Variants in NYAP2 observed in about 807,000 individuals in gnomAD.
NYAP2 encodes neuronal tyrosine-phosphorylated phosphoinositide-3-kinase adaptor 2.
A neutral mutation model predicts 50.4 loss-of-function variants in NYAP2; 23 were observed. The ratio of observed to expected loss-of-function variants is 0.46; its 90% CI spans 0.33 to 0.65. The LOEUF is 0.65. Ranked by LOEUF, NYAP2 falls within the 30% of genes least tolerant of loss-of-function variation. The pLI, the probability that NYAP2 is intolerant of heterozygous loss-of-function variation, is 0.02. For synonymous variants in NYAP2, 394 were observed against 365.2 expected, an observed-to-expected ratio of 1.08 and a Z score of -0.90; for missense variants, 885 against 861.0, an observed-to-expected ratio of 1.03 and a Z score of -0.35.
intron 3 of NYAP2, among the ~76,000 whole-genome samples, chr2:225,511,383 G>A (rs1574651320): frequency 6.6e-6 from 1 of 150,958 alleles, no homozygotes; most frequent in East Asian, 1.9e-4. Flanking sequence ...CAGAGAGAGA[G>A]AGAGAGAGAG....
intron 5 of NYAP2, among the ~76,000 whole-genome samples, chr2:225,617,009 C>T (rs1693001695): frequency 6.6e-6 from 1 of 152,314 alleles, no homozygotes; most frequent in Non-Finnish European, 1.5e-5. Flanking sequence ...GAAGCAACAA[C>T]TTGGAAGCAT....
chr2:225,409,515 C>T (rs1476175943), intron 3 of NYAP2, among the ~76,000 whole-genome samples: 1 of 151,984 alleles, frequency 6.6e-6, no homozygotes, highest in Non-Finnish European at 1.5e-5. Flanking sequence ...TAGATTATGG[C>T]CAAGATACAT....
At chr2:225,677,820 AT>A in the NYAP2 span, among the ~76,000 whole-genome samples, 1 of 152,022 alleles carries the variant, frequency 6.6e-6, no homozygotes. Flanking sequence ...GATTGTTAGT[AT>A]TTTGTAGCGG....
At chr2:225,456,284 C>T (rs756861101) in intron 3 of NYAP2, among the ~76,000 whole-genome samples, 6 of 152,126 alleles carry the variant, frequency 3.9e-5, no homozygotes, top group African/African-American at 4.8e-5. Flanking sequence ...TTTGACACTG[C>T]GAGCTCCTCA....
At chr2:225,652,435 T>C (rs1693749418) in exon 7 of NYAP2, 1 of 152,210 alleles carries the variant, frequency 6.6e-6, no homozygotes, top group African/African-American at 2.4e-5. Flanking sequence ...CTTTACAGCA[T>C]AATATGTTGC....
intron 4 of NYAP2, among the ~76,000 whole-genome samples, chr2:225,543,059 C>G (rs1691505968): frequency 6.6e-6 from 1 of 151,920 alleles, no homozygotes; most frequent in Admixed American, 6.6e-5. Context: ...TATTGTTGCT[C>G]ATAGTAACCA....
the NYAP2 span, among the ~76,000 whole-genome samples, chr2:225,660,441 ATTTTT>A: frequency 5.2e-5 from 7 of 134,000 alleles, no homozygotes; most frequent in South Asian, 2.5e-4. Flanking sequence ...CACAGGATAC[ATTTTT>A]TTTTTTTTTT....
At chr2:225,495,787 A>G (rs1390902014) in intron 3 of NYAP2, among the ~76,000 whole-genome samples, 1 of 152,212 alleles carries the variant, frequency 6.6e-6, no homozygotes, top group Non-Finnish European at 1.5e-5. Flanking sequence ...CATTGCAAGG[A>G]TTTGAACAAA....
chr2:225,561,355 T>C (rs1574678885), intron 4 of NYAP2, among the ~76,000 whole-genome samples: 1 of 151,848 alleles, frequency 6.6e-6, no homozygotes. Flanking sequence ...TGCTTGGCAG[T>C]TAGGAATAGG....
chr2:225,555,699 T>G (rs1691764073), intron 4 of NYAP2, among the ~76,000 whole-genome samples: 1 of 152,134 alleles, frequency 6.6e-6, no homozygotes, highest in Admixed American at 6.5e-5. Context: ...CTAAGCCCGA[T>G]TAGCTCTCCT....
chr2:225,627,449 C>T (rs1009214911), intron 6 of NYAP2, among the ~76,000 whole-genome samples: 7 of 151,950 alleles, frequency 4.6e-5, no homozygotes, highest in African/African-American at 1.2e-4. Flanking sequence ...TTTTAACTTG[C>T]GAAGTTTGAG....
chr2:225,701,236 G>A, the NYAP2 span: 1 of 151,814 alleles, frequency 6.6e-6, no homozygotes, highest in Non-Finnish European at 1.5e-5. Flanking sequence ...CTCTCTGAAA[G>A]TAATCAACTG....
At chr2:225,622,795 G>A (rs1416218435) in intron 5 of NYAP2, among the ~76,000 whole-genome samples, 1 of 151,770 alleles carries the variant, frequency 6.6e-6, no homozygotes, top group Non-Finnish European at 1.5e-5. Context: ...GGCCAGGCCA[G>A]GCTGCTCTTG....
chr2:225,593,974 C>A (rs191162230), intron 5 of NYAP2, among the ~76,000 whole-genome samples: 4 of 152,256 alleles, frequency 2.6e-5, no homozygotes, highest in Non-Finnish European at 5.9e-5. Context: ...GAAAGAATGG[C>A]CATTCCATTC....
At chr2:225,579,552 A>G (rs930266549) in intron 4 of NYAP2, among the ~76,000 whole-genome samples, 1 of 152,246 alleles carries the variant, frequency 6.6e-6, no homozygotes, top group Non-Finnish European at 1.5e-5. Context: ...GGCAAACGAA[A>G]TGGCATTTGC....
intron 3 of NYAP2, among the ~76,000 whole-genome samples, chr2:225,412,281 T>TTTTTTTTTTTTTC (rs1695056916): frequency 7.3e-6 from 1 of 137,430 alleles, no homozygotes; most frequent in Non-Finnish European, 1.5e-5. Flanking sequence ...TTTTTTTTTT[T>TTTTTTTTTTTTTC]AACAAAAATT....
At chr2:225,419,090 G>T (rs552664826) in intron 3 of NYAP2, among the ~76,000 whole-genome samples, 2 of 152,148 alleles carry the variant, frequency 1.3e-5, no homozygotes, top group African/African-American at 4.8e-5. Flanking sequence ...TGCCTTTTGC[G>T]CAGTTAGTGA....
chr2:225,544,596 T>C (rs1691538256), intron 4 of NYAP2, among the ~76,000 whole-genome samples: 1 of 152,154 alleles, frequency 6.6e-6, no homozygotes, highest in South Asian at 2.1e-4. Context: ...TCTCCTATTT[T>C]TTAACATTTC....
intron 6 of NYAP2, among the ~76,000 whole-genome samples, chr2:225,644,261 G>A (rs1378345320): frequency 6.6e-6 from 1 of 152,130 alleles, no homozygotes; most frequent in Non-Finnish European, 1.5e-5. Flanking sequence ...GTCTGTTCAT[G>A]TCCTTCACCC....
Sources: allele counts gnomAD v4.1 joint callset (sites outside exome capture counted in the v4.1 genomes callset), GRCh38; gene constraint gnomAD v4.1.1; transcripts MANE v1.5; gene names NCBI Gene and HGNC (gene_info 2026-07-23, HGNC 2026-07-21).